GRAMD1B: variants seen among roughly 807,000 people sequenced by gnomAD.
GRAMD1B encodes GRAM domain containing 1B.
GRAMD1B carries 37 observed loss-of-function variants against 99.7 expected under a neutral mutation model. The ratio of observed to expected loss-of-function variants is 0.37; its 90% CI spans 0.29 to 0.49. GRAMD1B has a LOEUF of 0.49. Among genes scored for constraint, GRAMD1B ranks in the 20% least tolerant of loss-of-function variants. The pLI is 0.98. For missense variants in GRAMD1B, 888 were observed against 1,009.2 expected, an observed-to-expected ratio of 0.88 and a Z score of 1.63; for synonymous variants, 427 against 387.6, an observed-to-expected ratio of 1.10 and a Z score of -1.19.
At chr11:123,434,921 T>A (rs1156939148) in intron 1 of GRAMD1B, among the ~76,000 whole-genome samples, 2 of 152,226 alleles carry the variant, frequency 1.3e-5, no homozygotes, top group South Asian at 4.1e-4. Context: ...TCACTTTACC[T>A]CCATGAGTTT....
At chr11:123,394,569 AT>A (rs1003425823) in intron 1 of GRAMD1B, among the ~76,000 whole-genome samples, 3 of 148,918 alleles carry the variant, frequency 2.0e-5, no homozygotes, top group African/African-American at 5.1e-5. Context: ...TCTTCTTTTC[AT>A]TTTTCTTAGA....
At chr11:123,403,519 TGTTTTTTGTTTTA>T (rs1947747118) in intron 1 of GRAMD1B, among the ~76,000 whole-genome samples, 2 of 150,986 alleles carry the variant, frequency 1.3e-5, no homozygotes, top group Non-Finnish European at 1.5e-5. Context: ...AGGCTTTTTT[TGTTTTTTGTTTTA>T]GTTTTTTGTT....
intron 1 of GRAMD1B, among the ~76,000 whole-genome samples, chr11:123,394,054 G>A (rs474771): frequency 0.98 from 149,869 of 152,362 alleles, 73,722 homozygotes; most frequent in Middle Eastern, 1. Context: ...TTTAAAAAAT[G>A]GTTTAAAGGT....
intron 3 of GRAMD1B, among the ~76,000 whole-genome samples, chr11:123,583,192 ATG>A (rs1259994206): frequency 2.7e-5 from 4 of 147,704 alleles, no homozygotes; most frequent in South Asian, 2.2e-4. Flanking sequence ...GTTTGTGTAT[ATG>A]TGTGTGTACG....
chr11:123,400,888 C>A (rs1454531192), intron 1 of GRAMD1B, among the ~76,000 whole-genome samples: 1 of 152,012 alleles, frequency 6.6e-6, no homozygotes, highest in East Asian at 1.9e-4. Context: ...CTATTACTAC[C>A]CTCATTTTAT....
At chr11:123,380,186 G>A (rs139225741) in intron 1 of GRAMD1B, among the ~76,000 whole-genome samples, 27 of 152,198 alleles carry the variant, frequency 1.8e-4, no homozygotes, top group African/African-American at 6.3e-4. Flanking sequence ...TTTCGATGAC[G>A]TCCAGTTCAC....
At chr11:123,364,809 T>C (rs1197267372) in intron 1 of GRAMD1B, among the ~76,000 whole-genome samples, 1 of 151,628 alleles carries the variant, frequency 6.6e-6, no homozygotes, top group African/African-American at 2.4e-5. Flanking sequence ...GCTCCTCTAC[T>C]TGGGCCCTGA....
chr11:123,507,516 A>C lies in GRAMD1B; in HGVS notation c.452+26623A>C, dbSNP rs550934485. On this transcript the variant is annotated intron_variant, in intron 2 of 19. Transcript: ENST00000635736. The stretch of plus-strand genomic sequence containing the variant: ...ATTGTTTATTGTGGCTGGAAAAAAA[A>C]CACGTTCCTCTAACAGGATGTGTGC... 1.9e-4 allele frequency among the ~76,000 whole-genome samples: 29 copies of C among 152,324 alleles called. No individual in the cohort carries two copies. The South Asian group carries it at 4.8e-3, about 25-fold the overall frequency.
chr11:123,505,804 A>G (rs1028432739), intron 2 of GRAMD1B, among the ~76,000 whole-genome samples: 2 of 152,106 alleles, frequency 1.3e-5, no homozygotes, highest in Non-Finnish European at 2.9e-5. Context: ...ACACAGACAC[A>G]CTGCCCTCTT....
chr11:123,611,594 T>G (rs1417202875), intron 14 of GRAMD1B, among the ~76,000 whole-genome samples: 2 of 152,202 alleles, frequency 1.3e-5, no homozygotes, highest in Non-Finnish European at 2.9e-5. Flanking sequence ...CTTCTTGTCC[T>G]TTCCTCCACA....
chr11:123,477,941 AT>A (rs899899299), intron 1 of GRAMD1B, among the ~76,000 whole-genome samples: 1 of 150,708 alleles, frequency 6.6e-6, no homozygotes, highest in African/African-American at 2.4e-5. Context: ...AGACTGGCTA[AT>A]TTTTTTTATT....
intron 2 of GRAMD1B, among the ~76,000 whole-genome samples, chr11:123,544,057 T>A (rs1430247484): frequency 6.6e-6 from 1 of 152,192 alleles, no homozygotes. Context: ...CACCAGCCCG[T>A]GCAATTTTCT....
At chr11:123,539,623 C>T (rs1363306613) in intron 2 of GRAMD1B, among the ~76,000 whole-genome samples, 4 of 151,822 alleles carry the variant, frequency 2.6e-5, no homozygotes, top group Admixed American at 2.6e-4. Context: ...CAAACAAAAC[C>T]CAAACCCTGA....
intron 1 of GRAMD1B, among the ~76,000 whole-genome samples, chr11:123,397,201 C>T (rs932620512): frequency 3.9e-5 from 6 of 152,020 alleles, no homozygotes; most frequent in Non-Finnish European, 5.9e-5. Context: ...GTCAGGAGTT[C>T]GAGACCAGCC....
intron 2 of GRAMD1B, among the ~76,000 whole-genome samples, chr11:123,569,228 A>G (rs1426024432): frequency 6.6e-6 from 1 of 152,052 alleles, no homozygotes; most frequent in Non-Finnish European, 1.5e-5. Context: ...CTGTGGGTTT[A>G]TTTTCATGAG....
chr11:123,617,487 C>T lies in GRAMD1B; in HGVS notation c.2319-1206C>T, dbSNP rs145395002. ...TACAGGCGTGAGCCACCATGCCCAG[C>T]CTATCTTCTCATTTTTTGTCATCTT... On this transcript the variant is annotated intron_variant, in intron 17 of 19. Transcript: ENST00000635736. Among the ~76,000 whole-genome samples the T allele has an allele frequency of 6.1e-4, 93 of 152,310 alleles. No homozygotes were observed. In the Middle Eastern group the frequency reaches 0.01, roughly 17 times the overall value.
intron 1 of GRAMD1B, among the ~76,000 whole-genome samples, chr11:123,407,593 G>C (rs556095325): frequency 2.6e-5 from 4 of 152,204 alleles, no homozygotes; most frequent in Non-Finnish European, 5.9e-5. Flanking sequence ...CACACCACCA[G>C]GTGATCTGCC....
intron 1 of GRAMD1B, among the ~76,000 whole-genome samples, chr11:123,384,478 C>G (rs955346889): frequency 2.0e-5 from 3 of 152,176 alleles, no homozygotes; most frequent in Non-Finnish European, 2.9e-5. Flanking sequence ...CCTAAACCCT[C>G]TAGTCACTTA....
At chr11:123,543,467 C>T (rs1279500842) in intron 2 of GRAMD1B, among the ~76,000 whole-genome samples, 1 of 152,208 alleles carries the variant, frequency 6.6e-6, no homozygotes, top group East Asian at 1.9e-4. Flanking sequence ...CCATTCAACC[C>T]TCACTAAGTT....
Sources: allele counts gnomAD v4.1 joint callset (sites outside exome capture counted in the v4.1 genomes callset), GRCh38; gene constraint gnomAD v4.1.1; transcripts MANE v1.5; gene names NCBI Gene and HGNC (gene_info 2026-07-23, HGNC 2026-07-21).